Variants in TEAD1 observed in about 807,000 individuals in gnomAD.
TEAD1 encodes the protein TEA domain transcription factor 1.
In TEAD1, 9 loss-of-function variants were observed where a neutral mutation model predicts 54.9. That is an observed-to-expected ratio of 0.16 (90% CI 0.10 to 0.29). The LOEUF is 0.29. TEAD1 is among the 10% of genes least tolerant of loss of function. The pLI is 1.00. For synonymous variants in TEAD1, 200 were observed against 187.8 expected, an observed-to-expected ratio of 1.07 and a Z score of -0.53; for missense variants, 387 against 535.9, an observed-to-expected ratio of 0.72 and a Z score of 2.74.
intron 2 of TEAD1, among the ~76,000 whole-genome samples, chr11:12,720,462 A>C (rs1189025189): frequency 1.3e-5 from 2 of 152,170 alleles, no homozygotes; most frequent in African/African-American, 4.8e-5. Flanking sequence ...CTGCAACTTT[A>C]CTGTATGCCA....
chr11:12,757,822 C>G (rs1945012961), intron 2 of TEAD1, among the ~76,000 whole-genome samples: 1 of 152,140 alleles, frequency 6.6e-6, no homozygotes, highest in Non-Finnish European at 1.5e-5. Flanking sequence ...TTCTGTCACT[C>G]AGACTGGAGT....
At chr11:12,921,842 T>TA (rs1948812524) in intron 10 of TEAD1, among the ~76,000 whole-genome samples, 1 of 152,144 alleles carries the variant, frequency 6.6e-6, no homozygotes, top group Non-Finnish European at 1.5e-5. Context: ...TGATCTCATT[T>TA]AGGGAAAGAC....
At chr11:12,854,603 C>CT (rs1269563365) in intron 3 of TEAD1, among the ~76,000 whole-genome samples, 1 of 151,800 alleles carries the variant, frequency 6.6e-6, no homozygotes, top group Non-Finnish European at 1.5e-5. Context: ...CTTTTTCTTT[C>CT]TTTTTTTAGA....
At chr11:12,731,256 T>C (rs560540292) in intron 2 of TEAD1, among the ~76,000 whole-genome samples, 18 of 152,282 alleles carry the variant, frequency 1.2e-4, no homozygotes, top group African/African-American at 3.6e-4. Flanking sequence ...ATTTTTCTTA[T>C]CAGATTTGCA....
intron 2 of TEAD1, among the ~76,000 whole-genome samples, chr11:12,751,145 C>T (rs116170329): frequency 1.3e-5 from 2 of 151,716 alleles, no homozygotes; most frequent in Admixed American, 6.6e-5. Flanking sequence ...GCCAAAAAAC[C>T]GAAATAATTA....
At chr11:12,699,693 G>GTC (rs1943655963) in intron 2 of TEAD1, among the ~76,000 whole-genome samples, 1 of 152,174 alleles carries the variant, frequency 6.6e-6, no homozygotes, top group Non-Finnish European at 1.5e-5. Flanking sequence ...ATTTACCAGT[G>GTC]TAATTGCTCA....
At chr11:12,795,656 G>C (rs989762592) in intron 3 of TEAD1, among the ~76,000 whole-genome samples, 6 of 152,130 alleles carry the variant, frequency 3.9e-5, no homozygotes, top group Non-Finnish European at 7.3e-5. Flanking sequence ...GTGGTCCATG[G>C]ACCAACTGGC....
chr11:12,849,848 G>A (rs537234957), intron 3 of TEAD1, among the ~76,000 whole-genome samples: 1 of 152,066 alleles, frequency 6.6e-6, no homozygotes, highest in Non-Finnish European at 1.5e-5. Context: ...TAAAAGATTT[G>A]TGCCCTCTTA....
intron 2 of TEAD1, among the ~76,000 whole-genome samples, chr11:12,742,897 T>C (rs1944674590): frequency 1.3e-5 from 2 of 152,222 alleles, no homozygotes; most frequent in Non-Finnish European, 2.9e-5. Context: ...CCAGCTCTTA[T>C]AAGTGGCCTG....
chr11:12,861,598 T>A (rs1225794236), intron 3 of TEAD1, among the ~76,000 whole-genome samples: 2 of 152,222 alleles, frequency 1.3e-5, no homozygotes, highest in Non-Finnish European at 2.9e-5. Flanking sequence ...GAACTGGGTT[T>A]GTTTAGTCCC....
chr11:12,810,781 TCTC>T (rs956742271), intron 3 of TEAD1, among the ~76,000 whole-genome samples: 1 of 152,128 alleles, frequency 6.6e-6, no homozygotes, highest in Non-Finnish European at 1.5e-5. Context: ...TAACGCTATA[TCTC>T]CTCCTCCCTG....
At chr11:12,682,410 G>A (rs1381883548) in intron 2 of TEAD1, among the ~76,000 whole-genome samples, 2 of 152,248 alleles carry the variant, frequency 1.3e-5, no homozygotes, top group African/African-American at 2.4e-5. Flanking sequence ...TGTGTGTCAC[G>A]GTTACTGGTG....
chr11:12,879,640 G>C (rs754287405), intron 5 of TEAD1, 68 bp from the exon 6 acceptor site: 1 of 1,604,128 alleles, frequency 6.2e-7, no homozygotes, highest in African/African-American at 1.3e-5. Flanking sequence ...GCTCGTGGCT[G>C]TGCCTGTGTA....
At chr11:12,830,270 C>G (rs553133556) in intron 3 of TEAD1, among the ~76,000 whole-genome samples, 1 of 152,060 alleles carries the variant, frequency 6.6e-6, no homozygotes, top group Non-Finnish European at 1.5e-5. Context: ...ACCTGACCTA[C>G]GAAGATCCAC....
At chr11:12,730,484 G>C (rs530021690) in intron 2 of TEAD1, among the ~76,000 whole-genome samples, 9 of 141,124 alleles carry the variant, frequency 6.4e-5, no homozygotes, top group African/African-American at 2.1e-4. Flanking sequence ...TGAGAGAACC[G>C]AGAGAGGTAG....
At chr11:12,806,162 A>G (rs569168111) in intron 3 of TEAD1, among the ~76,000 whole-genome samples, 10 of 152,308 alleles carry the variant, frequency 6.6e-5, no homozygotes, top group African/African-American at 2.4e-4. Flanking sequence ...TACTTTGACA[A>G]ATTTACTTTA....
At chr11:12,797,262 G>A (rs11022503) in intron 3 of TEAD1, among the ~76,000 whole-genome samples, 134,391 of 152,270 alleles carry the variant, frequency 0.88, 61,814 homozygotes, top group East Asian at 1. Context: ...TTGCCCTACT[G>A]TTCCCTCAAA....
intron 2 of TEAD1, among the ~76,000 whole-genome samples, chr11:12,679,394 G>A (rs1943168002): frequency 6.6e-6 from 1 of 152,126 alleles, no homozygotes; most frequent in Non-Finnish European, 1.5e-5. Context: ...GAAAAAGCTG[G>A]CTTATTGATG....
chr11:12,845,929 G>A (rs1011485472), intron 3 of TEAD1, among the ~76,000 whole-genome samples: 1 of 152,218 alleles, frequency 6.6e-6, no homozygotes, highest in African/African-American at 2.4e-5. Flanking sequence ...CCTGCGGAGC[G>A]CCTTTCCAAG....
Sources: gnomAD v4.1 joint callset for allele counts (sites outside exome capture counted in the v4.1 genomes callset) on GRCh38, gnomAD v4.1.1 for gene constraint, MANE v1.5 for transcripts, NCBI Gene and HGNC (gene_info 2026-07-23, HGNC 2026-07-21) for gene names.